Variants in FREM1 observed in about 807,000 individuals in gnomAD.
FREM1 encodes FRAS1-related extracellular matrix protein 1.
FREM1 carries 220 observed loss-of-function variants against 210.1 expected under a neutral mutation model. That is an observed-to-expected ratio of 1.05 (90% confidence interval 0.94 to 1.17). The LOEUF (loss-of-function observed/expected upper bound fraction) is 1.17, where lower values mean the gene tolerates loss of function less well. Ranked by LOEUF, FREM1 falls within the 50% of genes most tolerant of loss-of-function variation. The pLI, the probability that FREM1 is intolerant of heterozygous loss-of-function variation, is 0.00. For synonymous variants in FREM1, 1,189 were observed against 980.2 expected (o/e 1.21, Z -3.98); for missense variants, 3,454 against 2,675.5 (o/e 1.29, Z -6.42).
At chr9:14,807,844 T>C in intron 17 of FREM1, 96 bp downstream of exon 17, 1 of 893,162 alleles carries the variant, frequency 1.1e-6, no homozygotes, top group Non-Finnish European at 1.6e-6. Context: ...ATGGTGGTTT[T>C]CTTTTTAGAC....
intron 36 of FREM1, among the ~76,000 whole-genome samples, chr9:14,739,353 C>T (rs1468179231): frequency 2.0e-5 from 3 of 151,092 alleles, no homozygotes; most frequent in Non-Finnish European, 4.4e-5. Context: ...ATCCTCCAGC[C>T]TTGGTCTCTC....
At chr9:14,908,089 G>A (rs1818095533) in intron 1 of FREM1, among the ~76,000 whole-genome samples, 1 of 152,134 alleles carries the variant, frequency 6.6e-6, no homozygotes, top group South Asian at 2.1e-4. Flanking sequence ...AAAGCAAGGG[G>A]CTCTGATGGC....
intron 32 of FREM1, 25 bp from the exon 33 acceptor site, chr9:14,747,453 CAATAAGGAA>C: frequency 6.3e-7 from 1 of 1,594,372 alleles, no homozygotes; most frequent in Admixed American, 1.8e-5. Context: ...CAATCAACAA[CAATAAGGAA>C]AAAACAAACA....
intron 10 of FREM1, among the ~76,000 whole-genome samples, chr9:14,827,188 A>G (rs1012968473): frequency 1.3e-5 from 2 of 152,032 alleles, no homozygotes; most frequent in Non-Finnish European, 2.9e-5. Flanking sequence ...AAGAACCTCA[A>G]TCTTCTTAGA....
intron 24 of FREM1, among the ~76,000 whole-genome samples, chr9:14,783,892 C>A (rs1274682472): frequency 6.6e-6 from 1 of 152,176 alleles, no homozygotes; most frequent in African/African-American, 2.4e-5. Flanking sequence ...AAAAGGCAGT[C>A]TCTGTTTATG....
intron 35 of FREM1, among the ~76,000 whole-genome samples, chr9:14,742,279 G>C (rs1287500638): frequency 1.3e-5 from 2 of 152,114 alleles, no homozygotes; most frequent in African/African-American, 4.8e-5. Flanking sequence ...AGTATAGGTA[G>C]ACTTCAGGGT....
At chr9:14,861,583 C>T (rs575469298) in intron 3 of FREM1, among the ~76,000 whole-genome samples, 10 of 149,334 alleles carry the variant, frequency 6.7e-5, no homozygotes, top group Non-Finnish European at 1.2e-4. Context: ...CTCGGCTCAC[C>T]GCAACCTCTG....
At chr9:14,779,066 C>A (rs1849223032) in intron 24 of FREM1, among the ~76,000 whole-genome samples, 1 of 151,998 alleles carries the variant, frequency 6.6e-6, no homozygotes, top group Non-Finnish European at 1.5e-5. Flanking sequence ...TATTGTTTTT[C>A]TGTTACTTTT....
At position 14,757,449 on chromosome 9, in the gene FREM1, G is replaced by A. The variant is rs922833963; in HGVS notation, c.5335-1003C>T. ...GGCCGCCTGTAATCCCACCTCCTGG[G>A]GAGGCTGAGGCAGGAGAAGAGCTTG... On this transcript the variant is annotated intron_variant, in intron 28 of 36. Transcript: ENST00000380880. 2.0e-5 allele frequency among the ~76,000 whole-genome samples: 3 copies of A among 152,152 alleles called. No individual in the cohort carries two copies. In the East Asian group the frequency reaches 5.8e-4, roughly 29 times the overall value.
At chr9:14,902,754 G>C (rs190303742) in intron 1 of FREM1, among the ~76,000 whole-genome samples, 36 of 152,270 alleles carry the variant, frequency 2.4e-4, no homozygotes, top group South Asian at 8.3e-4. Flanking sequence ...TCCTGTCTGA[G>C]GAATTTTGTC....
rs879680976 is a variant in FREM1 at position 14,836,996 on chromosome 9, G to A, written c.1881+4451C>T. Among the ~76,000 whole-genome samples the A allele has an allele frequency of 2.0e-5, 3 of 152,216 alleles. No individual in the cohort carries two copies. The highest frequency in any genetic ancestry group is 7.2e-5 in the African/African-American group (3 of 41,452). On this transcript the variant is annotated intron_variant, in intron 10 of 36. Transcript: ENST00000380880. The surrounding 1 kb of genome is among the most constrained non-coding windows in gnomAD (Gnocchi z 4.9). ...CGGAAAAGTTTCTTGTAAAGCCCCA[G>A]CTCTTAGTCAGGTGGGCAACCTTTG... is the stretch of plus-strand genomic sequence containing the variant.
intron 3 of FREM1, among the ~76,000 whole-genome samples, chr9:14,860,557 A>ATGTGTG (rs1564098689): frequency 8.4e-6 from 1 of 119,094 alleles, no homozygotes; most frequent in African/African-American, 4.0e-5. Flanking sequence ...ATATATATAC[A>ATGTGTG]CACATATATA....
chr9:14,886,948 A>G (rs1328778605), intron 1 of FREM1, among the ~76,000 whole-genome samples: 2 of 149,706 alleles, frequency 1.3e-5, no homozygotes, highest in African/African-American at 4.9e-5. Flanking sequence ...TTTATGATGT[A>G]TTTTTTTAAA....
At chr9:14,839,630 A>T (rs1825281164) in intron 10 of FREM1, among the ~76,000 whole-genome samples, 1 of 152,230 alleles carries the variant, frequency 6.6e-6, no homozygotes, top group Non-Finnish European at 1.5e-5. Context: ...ATTTGCCCAG[A>T]TTCAGAAATA....
chr9:14,805,030 A>G lies in FREM1; in HGVS notation c.3397T>C (p.Leu1133=). 6.2e-7 allele frequency: 1 copy of G among 1,613,872 alleles called. No homozygotes were observed. The highest frequency in any genetic ancestry group is 8.5e-7 in the Non-Finnish European group (1 of 1,179,742). The change falls in exon 19 of 37, where the codon TTG becomes CTG. Residue 1133 remains leucine (L), a synonymous_variant. Transcript: ENST00000380880. ...VYVTDGKHHS[L]EIPFSIIINP... ...ATTATAATAGAAAATGGTATCTCCA[A>G]GGAGTGATGCTTCCCATCTGTGACG... is the stretch of plus-strand genomic sequence containing the variant.
intron 21 of FREM1, among the ~76,000 whole-genome samples, chr9:14,793,457 G>C (rs1476677073): frequency 2.0e-5 from 3 of 152,182 alleles, no homozygotes; most frequent in Admixed American, 6.5e-5. Flanking sequence ...TGTTACAGAT[G>C]CCAGGTCAGC....
rs750090383 is a variant in FREM1 at position 14,801,787 on chromosome 9, T to C, written c.3559A>G (p.Ile1187Val). Residue 1187 changes from isoleucine (I) to valine (V), a missense_variant, in exon 20 of 37, where the codon ATC (isoleucine) becomes GTC (valine). Ile to Val is a conservative substitution (Grantham distance 29, BLOSUM62 3). Coordinates refer to ENST00000380880, the MANE Select transcript of FREM1 (RefSeq NM_001379081.2). ...AGGCCATGGCGTGGCTTTTGAGTGA[T>C]GCTGAACAGCAGGGCATCCTGGGGA... ...DIPQDALLFS[I>V]TQKPRHGLLI... 1 of 1,613,966 alleles carries C rather than the reference T, an allele frequency of 6.2e-7. No homozygotes were observed. Among genetic ancestry groups the C allele is most frequent in the Non-Finnish European group, 8.5e-7 (1 of 1,179,858 alleles).
chr9:14,801,651 C>G lies in FREM1; in HGVS notation c.3694+1G>C. ...ATGCATGGAAGTGGAACATGCTATA[C>G]CAGTCTTGAGGAGTTCCATGGAAAA... On this transcript the variant is annotated splice_donor_variant, in intron 20 of 36. Transcript: ENST00000380880. LOFTEE classifies it high-confidence loss of function. 6.3e-7 allele frequency: 1 copy of G among 1,589,610 alleles called. No individual in the cohort carries two copies. Among genetic ancestry groups the G allele is most frequent in the Non-Finnish European group, 8.6e-7 (1 of 1,157,682 alleles).
At position 14,740,129 on chromosome 9, in the gene FREM1, C is replaced by T; in HGVS notation, c.6340+20G>A. ...GTCCTTGCCTCCCTCCTCAGTGCAGCCTCCCTCCCAGATACTTGCCTATCC... is the reference window on the plus strand; with the variant it reads ...GTCCTTGCCTCCCTCCTCAGTGCAGTCTCCCTCCCAGATACTTGCCTATCC... On this transcript the variant is annotated intron_variant, in intron 36 of 36. Coordinates refer to ENST00000380880, the MANE Select transcript of FREM1 (RefSeq NM_001379081.2). 1 of 1,564,994 alleles carries T rather than the reference C, an allele frequency of 6.4e-7. No homozygotes were observed. Among genetic ancestry groups the T allele is most frequent in the South Asian group, 1.1e-5 (1 of 89,230 alleles).
Sources: allele counts gnomAD v4.1 joint callset (sites outside exome capture counted in the v4.1 genomes callset), GRCh38; gene constraint gnomAD v4.1.1; non-coding constraint Gnocchi (gnomAD v3.1); transcripts MANE v1.5; gene names NCBI Gene and HGNC (gene_info 2026-07-23, HGNC 2026-07-21).